Variants in ABHD17B observed in about 807,000 individuals in gnomAD.
ABHD17B encodes alpha/beta hydrolase domain-containing protein 17B.
Under a neutral mutation model 26.2 loss-of-function variants are expected in ABHD17B, and 9 were observed. The observed-to-expected ratio is 0.34, with a 90% CI of 0.21 to 0.60. The LOEUF (loss-of-function observed/expected upper bound fraction) is 0.60. ABHD17B is among the 20% of genes least tolerant of loss of function. The probability of loss-of-function intolerance (pLI) is 0.80; values close to 1 mark genes in which losing one functional copy is unlikely to be tolerated. For synonymous variants in ABHD17B, 127 were observed against 122.3 expected, an observed-to-expected ratio of 1.04 and a Z score of -0.25; for missense variants, 224 against 352.1, an observed-to-expected ratio of 0.64 and a Z score of 2.91.
chr9:71,873,136 T>TA, intron 2 of ABHD17B, among the ~76,000 whole-genome samples: 1 of 152,176 alleles, frequency 6.6e-6, no homozygotes, highest in East Asian at 1.9e-4. Flanking sequence ...AGCTTCAGTC[T>TA]AAAACATCCT....
chr9:71,872,202 G>T (rs1356641895), intron 2 of ABHD17B, among the ~76,000 whole-genome samples: 1 of 152,090 alleles, frequency 6.6e-6, no homozygotes, highest in African/African-American at 2.4e-5. Context: ...ATTTCCTAAA[G>T]TACCTACACT....
chr9:71,883,072 G>A (rs1045853097), intron 1 of ABHD17B, among the ~76,000 whole-genome samples: 71 of 152,246 alleles, frequency 4.7e-4, no homozygotes, highest in African/African-American at 1.7e-3. Flanking sequence ...GAACCTGGGA[G>A]GCGGAGGTTG....
chr9:71,884,015 T>C lies in ABHD17B; in HGVS notation c.-3-8932A>G, dbSNP rs192222663. On this transcript the variant is annotated intron_variant, in intron 1 of 3. Coordinates refer to ENST00000333421, the MANE Select transcript of ABHD17B (RefSeq NM_001025780.3). ...TCCCAAACTGTCAGAATATTTAAAA[T>C]GTAGGGAACTTCAGCAAAAACAAGA... Among the ~76,000 whole-genome samples the C allele has an allele frequency of 2.0e-5, 3 of 151,820 alleles. No homozygotes were observed. In the East Asian group the frequency reaches 5.8e-4, roughly 29 times the overall value.
intron 1 of ABHD17B, among the ~76,000 whole-genome samples, chr9:71,895,089 T>A (rs1826916124): frequency 6.6e-6 from 1 of 152,212 alleles, no homozygotes; most frequent in Non-Finnish European, 1.5e-5. Flanking sequence ...ATCCAAACTT[T>A]CAGGTTTAAA....
At chr9:71,874,462 T>G in intron 2 of ABHD17B, 152 bp downstream of exon 2, 1 of 577,818 alleles carries the variant, frequency 1.7e-6, no homozygotes, top group East Asian at 3.1e-5. Flanking sequence ...TTAAAATTGC[T>G]GTCTAAAATA....
At chr9:71,883,885 C>T (rs1412922083) in intron 1 of ABHD17B, among the ~76,000 whole-genome samples, 3 of 151,456 alleles carry the variant, frequency 2.0e-5, no homozygotes, top group East Asian at 3.9e-4. Flanking sequence ...TGCAGTGAGC[C>T]GAGATTGCAT....
At position 71,865,677 on chromosome 9, in the gene ABHD17B, A is replaced by T. The variant is rs1825937520; in HGVS notation, c.*1110T>A. 2 of 709,002 alleles carry T rather than the reference A, an allele frequency of 2.8e-6. No individual in the cohort carries two copies. Among genetic ancestry groups the T allele is most frequent in the Admixed American group, 6.3e-5 (1 of 15,888 alleles). The allele number at this position is 709,002 out of a possible 1,614,324, so 43.9% of individuals were successfully genotyped here. A position where few individuals can be genotyped will look rare whatever the true frequency, so the allele number is the denominator to read the frequency against. On this transcript the variant is annotated 3_prime_UTR_variant, in exon 4 of 4. Transcript: ENST00000333421. The stretch of plus-strand genomic sequence containing the variant: ...GGAGTTCAAGACCAGCCTGATCAAC[A>T]TGGCAAAACCCTGTCTCTACTAAAA...
chr9:71,880,120 A>G lies in ABHD17B; in HGVS notation c.-3-5037T>C, dbSNP rs143573486. On this transcript the variant is annotated intron_variant, in intron 1 of 3. Transcript: ENST00000333421. Reference sequence around the variant, plus strand: ...CTCACGCACTTCTTGAGTAATATAAAAGGACAAAATTGGCACAAAGGCTAG... The same window carrying G: ...CTCACGCACTTCTTGAGTAATATAAGAGGACAAAATTGGCACAAAGGCTAG... Among the ~76,000 whole-genome samples, 563 of 152,316 alleles carry G rather than the reference A, an allele frequency of 3.7e-3. 3 individuals are homozygous for G. The highest frequency in any genetic ancestry group is 0.014 in the Middle Eastern group (4 of 294).
At position 71,866,484 on chromosome 9, in the gene ABHD17B, T is replaced by C; in HGVS notation, c.*303A>G. ...ATTTGTTTCTAGTATGCAAAAGCAT[T>C]TGGCAATACTTTTACAGCATTTGAT... On this transcript the variant is annotated 3_prime_UTR_variant, in exon 4 of 4. Coordinates refer to ENST00000333421, the MANE Select transcript of ABHD17B (RefSeq NM_001025780.3). The C allele has an allele frequency of 9.3e-7, 1 of 1,071,602 alleles. No individual in the cohort carries two copies. The highest frequency in any genetic ancestry group is 1.7e-5 in the African/African-American group (1 of 60,462). 66.4% of individuals were successfully genotyped at this position (1,071,602 alleles called of 1,614,324 possible).
At position 71,880,635 on chromosome 9, in the gene ABHD17B, G is replaced by T. The variant is rs527663591; in HGVS notation, c.-3-5552C>A. On this transcript the variant is annotated intron_variant, in intron 1 of 3. Transcript: ENST00000333421. ...CAAATGCATGAACTTAGGTAAAGTT[G>T]GTACAGTTCAATGTTAGCTAGCATT... Among the ~76,000 whole-genome samples, 36 of 151,926 alleles carry T rather than the reference G, an allele frequency of 2.4e-4. No homozygotes were observed. The South Asian group carries it at 6.9e-3, about 29-fold the overall frequency.
At chr9:71,901,326 T>C (rs1455181528) in intron 1 of ABHD17B, among the ~76,000 whole-genome samples, 1 of 152,110 alleles carries the variant, frequency 6.6e-6, no homozygotes, top group African/African-American at 2.4e-5. Flanking sequence ...AATTGTAATA[T>C]AACATCTATC....
intron 1 of ABHD17B, among the ~76,000 whole-genome samples, chr9:71,882,971 C>T (rs181529280): frequency 1.3e-5 from 2 of 152,070 alleles, no homozygotes; most frequent in East Asian, 3.9e-4. Flanking sequence ...TGGTGAAACC[C>T]TATCTCTACT....
At chr9:71,900,226 G>A (rs1357429685) in intron 1 of ABHD17B, among the ~76,000 whole-genome samples, 2 of 152,204 alleles carry the variant, frequency 1.3e-5, no homozygotes, top group Non-Finnish European at 1.5e-5. Context: ...AACTCAAAAT[G>A]TGCGAGTAAA....
In ABHD17B at chr9:71,870,009, G is replaced by C. The variant is rs866183271; in HGVS notation, c.647+74C>G. ...TGAAGTTTATGGTTGAGTGAACTGT[G>C]TCATGAATACTTTAAATGATGAAAA... On this transcript the variant is annotated intron_variant, in intron 3 of 3. Coordinates refer to ENST00000333421, the MANE Select transcript of ABHD17B (RefSeq NM_001025780.3). 136 of 1,331,278 alleles carry C rather than the reference G, an allele frequency of 1.0e-4. No homozygotes were observed. The Middle Eastern group carries it at 5.3e-3, about 52-fold the overall frequency. 82.5% of individuals were successfully genotyped at this position (1,331,278 alleles called of 1,614,324 possible).
intron 1 of ABHD17B, among the ~76,000 whole-genome samples, chr9:71,908,310 T>A (rs1827344408): frequency 6.8e-6 from 1 of 147,772 alleles, no homozygotes; most frequent in Non-Finnish European, 1.5e-5. Context: ...AAGAATCACT[T>A]GAACCCGGGA....
Position 71,873,822 on chromosome 9 carries a change from C to T in ABHD17B, c.467+792G>A, listed in dbSNP as rs761679461. ...TGCTAGGACTACAGGCGTGAGCCAC[C>T]GCACCCAGCCTAAAAAATTTTTTTA... On this transcript the variant is annotated intron_variant, in intron 2 of 3. Coordinates refer to ENST00000333421, the MANE Select transcript of ABHD17B (RefSeq NM_001025780.3). 5.9e-5 allele frequency among the ~76,000 whole-genome samples: 9 copies of T among 152,218 alleles called. No homozygotes were observed. The South Asian group carries it at 1.5e-3, about 25-fold the overall frequency.
At chr9:71,877,509 C>A (rs1242363145) in intron 1 of ABHD17B, among the ~76,000 whole-genome samples, 1 of 152,236 alleles carries the variant, frequency 6.6e-6, no homozygotes, top group African/African-American at 2.4e-5. Context: ...CCTCCGCCTC[C>A]CACATTCAAG....
downstream of ABHD17B, chr9:71,865,047 A>G (rs1194355134): frequency 1.8e-6 from 1 of 558,316 alleles, no homozygotes; most frequent in African/African-American, 2.1e-5. Flanking sequence ...TGATGATATA[A>G]TTTTAAAAAT....
chr9:71,870,000 G>A, intron 3 of ABHD17B, 83 bp downstream of exon 3: 2 of 1,246,866 alleles, frequency 1.6e-6, no homozygotes, highest in Non-Finnish European at 1.1e-6. Context: ...TTATGGTTGA[G>A]TGAACTGTGT....
Sources: gnomAD v4.1 joint callset for allele counts (sites outside exome capture counted in the v4.1 genomes callset) on GRCh38, gnomAD v4.1.1 for gene constraint, MANE v1.5 for transcripts, NCBI Gene and HGNC (gene_info 2026-07-23, HGNC 2026-07-21) for gene names.